Variants in CDH18 observed in about 807,000 individuals in gnomAD.
CDH18 encodes the protein cadherin 18.
In CDH18, 31 loss-of-function variants were observed where a neutral mutation model predicts 67.9. The observed-to-expected ratio is 0.46, with a 90% CI of 0.34 to 0.62. CDH18 has a LOEUF of 0.62. CDH18 is among the 20% of genes least tolerant of loss of function. The pLI is 0.01. For missense variants in CDH18, 890 were observed against 975.5 expected (o/e 0.91, Z 1.17); for synonymous variants, 362 against 347.2 (o/e 1.04, Z -0.48).
intron 1 of CDH18, among the ~76,000 whole-genome samples, chr5:20,546,730 CCATATCACATA>C (rs1176763347): frequency 7.0e-6 from 1 of 143,850 alleles, no homozygotes; most frequent in Non-Finnish European, 1.5e-5. Flanking sequence ...CAGAGTCAAA[CCATATCACATA>C]CATACATAGA....
At position 20,572,507 on chromosome 5, in the gene CDH18, C is replaced by T. The variant is rs118185165; in HGVS notation, c.-580+2955G>A. On this transcript the variant is annotated intron_variant, in intron 1 of 14. Transcript: ENST00000507958. ...ATTATATACAAGAATATTTTAAAGACAGTAAGTTTGAAAAGCATAGGATAT... is the reference window on the plus strand; with the variant it reads ...ATTATATACAAGAATATTTTAAAGATAGTAAGTTTGAAAAGCATAGGATAT... Among the ~76,000 whole-genome samples, 111 of 152,164 alleles carry T rather than the reference C, an allele frequency of 7.3e-4. 1 individual carries two copies. In the East Asian group the frequency reaches 0.018, roughly 24 times the overall value.
intron 1 of CDH18, among the ~76,000 whole-genome samples, chr5:20,379,348 T>A (rs1251183346): frequency 6.6e-6 from 1 of 152,188 alleles, no homozygotes; most frequent in Non-Finnish European, 1.5e-5. Context: ...CTTAGGCCAT[T>A]TTACATACAA....
At chr5:19,586,377 A>C (rs1421287599) in intron 7 of CDH18, among the ~76,000 whole-genome samples, 1 of 151,794 alleles carries the variant, frequency 6.6e-6, no homozygotes, top group African/African-American at 2.4e-5. Context: ...CCCTACTCCT[A>C]TAGGCCCGTG....
chr5:20,214,595 G>T (rs1465625847), intron 2 of CDH18, among the ~76,000 whole-genome samples: 1 of 152,014 alleles, frequency 6.6e-6, no homozygotes, highest in East Asian at 1.9e-4. Flanking sequence ...ATAGGGAAAG[G>T]ACTCCCTAGT....
chr5:20,159,253 T>C (rs997576606), intron 2 of CDH18, among the ~76,000 whole-genome samples: 6 of 152,172 alleles, frequency 3.9e-5, no homozygotes, highest in African/African-American at 1.4e-4. Flanking sequence ...AAGAAATGAC[T>C]AAGTCGGGAG....
At chr5:19,690,000 G>A (rs532715609) in intron 5 of CDH18, among the ~76,000 whole-genome samples, 4 of 150,948 alleles carry the variant, frequency 2.6e-5, no homozygotes, top group Admixed American at 1.3e-4. Flanking sequence ...GTCAAACACA[G>A]TAAAAAGAGA....
At chr5:19,966,834 T>G (rs1797484146) in intron 2 of CDH18, among the ~76,000 whole-genome samples, 1 of 152,058 alleles carries the variant, frequency 6.6e-6, no homozygotes, top group Admixed American at 6.6e-5. Flanking sequence ...TTTCAGAGTA[T>G]TCTCATACTT....
intron 3 of CDH18, among the ~76,000 whole-genome samples, chr5:19,821,446 A>G (rs1581504134): frequency 1.3e-5 from 2 of 152,102 alleles, no homozygotes. Flanking sequence ...AAAATGAACA[A>G]TAACTTTGAG....
chr5:20,523,033 T>C (rs978716198), intron 1 of CDH18, among the ~76,000 whole-genome samples: 3 of 152,216 alleles, frequency 2.0e-5, no homozygotes, highest in African/African-American at 7.2e-5. Flanking sequence ...TGTAGGACTT[T>C]AACAGGGCAA....
At chr5:19,633,717 C>T (rs1299323825) in intron 5 of CDH18, among the ~76,000 whole-genome samples, 1 of 151,982 alleles carries the variant, frequency 6.6e-6, no homozygotes, top group Non-Finnish European at 1.5e-5. Flanking sequence ...GCAACCTCTG[C>T]CTCCCAGGCT....
At chr5:20,416,178 G>A (rs11743191) in intron 1 of CDH18, among the ~76,000 whole-genome samples, 58,319 of 151,910 alleles carry the variant, frequency 0.38, 13,511 homozygotes, top group Non-Finnish European at 0.52. Context: ...TGCATATTAT[G>A]TCAATATTTA....
chr5:20,226,928 G>A (rs1177985090), intron 2 of CDH18, among the ~76,000 whole-genome samples: 2 of 151,834 alleles, frequency 1.3e-5, no homozygotes, highest in Non-Finnish European at 2.9e-5. Context: ...TCACTGGCTG[G>A]GTATAAACAA....
intron 2 of CDH18, among the ~76,000 whole-genome samples, chr5:20,027,394 A>T (rs1261953559): frequency 6.6e-6 from 1 of 152,226 alleles, no homozygotes; most frequent in African/African-American, 2.4e-5. Flanking sequence ...GCTATGTTTA[A>T]AATACATGGT....
In CDH18 at chr5:19,722,664, A is replaced by G. The variant is rs4327601; in HGVS notation, c.524-1198T>C. 3.4e-3 allele frequency among the ~76,000 whole-genome samples: 513 copies of G among 151,926 alleles called. 1 individual carries two copies. The highest frequency in any genetic ancestry group is 0.012 in the African/African-American group (494 of 41,402). On this transcript the variant is annotated intron_variant, in intron 4 of 12. Transcript: ENST00000382275. ...CTTCATTGCAGAATTAGTGGGTAAG[A>G]ATGCTCATCTAAGAATTCACATCTA...
At chr5:20,156,273 C>T (rs976882313) in intron 2 of CDH18, among the ~76,000 whole-genome samples, 6 of 152,026 alleles carry the variant, frequency 3.9e-5, no homozygotes, top group Admixed American at 2.0e-4. Context: ...CCAAAAGATA[C>T]GCTCGTTATG....
chr5:20,019,482 A>G (rs896024254), intron 2 of CDH18, among the ~76,000 whole-genome samples: 6 of 152,052 alleles, frequency 3.9e-5, no homozygotes, highest in African/African-American at 1.4e-4. Flanking sequence ...ATGGGGGCCA[A>G]TTTGCCTCTT....
In CDH18 at chr5:19,738,819, T is replaced by C. The variant is rs181762526; in HGVS notation, c.523+8123A>G. On this transcript the variant is annotated intron_variant, in intron 4 of 12. Coordinates refer to ENST00000382275, the MANE Select transcript of CDH18 (RefSeq NM_004934.5). ...TATACCTGAATGACGAAATAATCTA[T>C]ACAACAAACCCCATGACACATGTTT... 1.1e-3 allele frequency among the ~76,000 whole-genome samples: 171 copies of C among 152,182 alleles called. 3 individuals carry two copies. The South Asian group carries it at 0.031, about 27-fold the overall frequency.
chr5:20,488,001 A>G (rs572556505), intron 1 of CDH18, among the ~76,000 whole-genome samples: 1 of 152,004 alleles, frequency 6.6e-6, no homozygotes, highest in Non-Finnish European at 1.5e-5. Context: ...GCGATGGCCC[A>G]TCTCTCAGTG....
intron 10 of CDH18, among the ~76,000 whole-genome samples, chr5:19,512,712 A>C (rs1745308330): frequency 6.6e-6 from 1 of 151,944 alleles, no homozygotes; most frequent in Non-Finnish European, 1.5e-5. Context: ...TGGGTGTTGA[A>C]TTTTCACAAA....
Sources: gnomAD v4.1 joint callset for allele counts (sites outside exome capture counted in the v4.1 genomes callset) on GRCh38, gnomAD v4.1.1 for gene constraint, MANE v1.5 for transcripts, NCBI Gene and HGNC (gene_info 2026-07-23, HGNC 2026-07-21) for gene names.